Variants in EPHA6 observed in about 807,000 individuals in gnomAD.
The protein encoded by EPHA6 is EPH receptor A6.
A neutral mutation model predicts 112.0 loss-of-function variants in EPHA6; 50 were observed. The observed-to-expected ratio is 0.45, with a 90% confidence interval of 0.36 to 0.56. The LOEUF (loss-of-function observed/expected upper bound fraction) is 0.56, where lower values mean the gene tolerates loss of function less well. Ranked by LOEUF, EPHA6 falls within the 20% of genes least tolerant of loss-of-function variation. EPHA6 has a pLI of 0.00. For missense variants in EPHA6, 1,280 were observed against 1,417.4 expected (o/e 0.90, Z 1.56); for synonymous variants, 529 against 490.7 (o/e 1.08, Z -1.03).
intron 14 of EPHA6, among the ~76,000 whole-genome samples, chr3:97,662,562 A>G (rs301960): frequency 0.91 from 137,903 of 152,198 alleles, 62,524 homozygotes; most frequent in South Asian, 0.93. Flanking sequence ...TGACAATCCA[A>G]AATAAATATT....
At chr3:97,646,157 T>A in intron 14 of EPHA6, 1 of 1,535,400 alleles carries the variant, frequency 6.5e-7, no homozygotes, top group Middle Eastern at 1.7e-4. Flanking sequence ...CAGAACTGGT[T>A]AAAGAAGATG....
chr3:97,590,596 T>C (rs1243628328), intron 11 of EPHA6, among the ~76,000 whole-genome samples: 1 of 152,226 alleles, frequency 6.6e-6, no homozygotes, highest in Admixed American at 6.5e-5. Flanking sequence ...TTCATTTATA[T>C]CATTTTTTCT....
chr3:97,483,513 G>T (rs1292724474), intron 9 of EPHA6, among the ~76,000 whole-genome samples: 1 of 152,212 alleles, frequency 6.6e-6, no homozygotes, highest in South Asian at 2.1e-4. Flanking sequence ...ATGAGTTCAT[G>T]AAACCTAGTG....
At chr3:97,257,961 G>A (rs2079371815) in intron 5 of EPHA6, among the ~76,000 whole-genome samples, 1 of 152,068 alleles carries the variant, frequency 6.6e-6, no homozygotes, top group East Asian at 1.9e-4. Context: ...TTTATGAAAT[G>A]TTACCAATGT....
intron 1 of EPHA6, among the ~76,000 whole-genome samples, chr3:96,838,357 C>T (rs546591668): frequency 6.6e-5 from 10 of 152,210 alleles, no homozygotes; most frequent in South Asian, 4.1e-4. Context: ...CTTCAGTGAA[C>T]GTACACAGGC....
intron 2 of EPHA6, among the ~76,000 whole-genome samples, chr3:96,926,897 C>T (rs2040063610): frequency 6.6e-6 from 1 of 152,172 alleles, no homozygotes. Flanking sequence ...AACAGTGGCC[C>T]TATTGTCACA....
chr3:96,825,856 T>A (rs1379322064), intron 1 of EPHA6, among the ~76,000 whole-genome samples: 2 of 151,806 alleles, frequency 1.3e-5, no homozygotes, highest in Non-Finnish European at 2.9e-5. Flanking sequence ...CTTCTTCCCA[T>A]ATATGTGATA....
chr3:96,993,200 C>T (rs1431823482), intron 3 of EPHA6, among the ~76,000 whole-genome samples: 1 of 152,030 alleles, frequency 6.6e-6, no homozygotes, highest in African/African-American at 2.4e-5. Context: ...ATTTAATTTC[C>T]TGGGGCCACA....
intron 2 of EPHA6, among the ~76,000 whole-genome samples, chr3:96,904,907 C>T (rs1307071421): frequency 6.6e-6 from 1 of 152,064 alleles, no homozygotes; most frequent in African/African-American, 2.4e-5. Flanking sequence ...TGTAAACGGA[C>T]AACACTGGTA....
At chr3:97,526,064 C>A (rs977412246) in intron 10 of EPHA6, among the ~76,000 whole-genome samples, 1 of 152,078 alleles carries the variant, frequency 6.6e-6, no homozygotes, top group Non-Finnish European at 1.5e-5. Context: ...AGATCTTTAG[C>A]CCCCACGAAT....
At chr3:97,068,239 C>G (rs1194492864) in intron 3 of EPHA6, among the ~76,000 whole-genome samples, 1 of 148,938 alleles carries the variant, frequency 6.7e-6, no homozygotes, top group Admixed American at 6.7e-5. Context: ...AAAAATTTTA[C>G]TCAAGTATTT....
At chr3:97,452,937 T>A (rs1326283787) in intron 7 of EPHA6, among the ~76,000 whole-genome samples, 1 of 151,738 alleles carries the variant, frequency 6.6e-6, no homozygotes, top group African/African-American at 2.4e-5. Context: ...CCAGTAATAT[T>A]AGCCATAACT....
intron 3 of EPHA6, among the ~76,000 whole-genome samples, chr3:97,187,856 C>T (rs762259816): frequency 6.6e-6 from 1 of 151,970 alleles, no homozygotes; most frequent in Non-Finnish European, 1.5e-5. Flanking sequence ...AGGTGCAGTC[C>T]TCTTAGTTTG....
At chr3:97,737,214 A>G (rs2035299675) in intron 16 of EPHA6, among the ~76,000 whole-genome samples, 1 of 152,074 alleles carries the variant, frequency 6.6e-6, no homozygotes, top group Non-Finnish European at 1.5e-5. Flanking sequence ...CATGAAAACA[A>G]TGGACAGCCA....
At chr3:97,432,202 T>A (rs139794130) in intron 6 of EPHA6, among the ~76,000 whole-genome samples, 1 of 152,270 alleles carries the variant, frequency 6.6e-6, no homozygotes, top group East Asian at 1.9e-4. Flanking sequence ...GGTGGTGGTG[T>A]TCTGGGAGAT....
At chr3:96,998,603 CT>C (rs2043511142) in intron 3 of EPHA6, among the ~76,000 whole-genome samples, 1 of 151,834 alleles carries the variant, frequency 6.6e-6, no homozygotes, top group Non-Finnish European at 1.5e-5. Context: ...TCTATTATTG[CT>C]AATGATCTGC....
At chr3:97,024,082 C>T (rs886125356) in intron 3 of EPHA6, among the ~76,000 whole-genome samples, 1 of 152,186 alleles carries the variant, frequency 6.6e-6, no homozygotes, top group Non-Finnish European at 1.5e-5. Context: ...ATAATTTGCA[C>T]ATTAAAGTCC....
At chr3:96,881,740 A>G (rs960951363) in intron 2 of EPHA6, among the ~76,000 whole-genome samples, 8 of 152,244 alleles carry the variant, frequency 5.3e-5, no homozygotes, top group Non-Finnish European at 1.2e-4. Flanking sequence ...ATTTCTGCCT[A>G]TGTGCCTGTA....
chr3:97,424,753 C>T (rs1339632326), intron 6 of EPHA6, among the ~76,000 whole-genome samples: 5 of 150,316 alleles, frequency 3.3e-5, no homozygotes, highest in Non-Finnish European at 7.4e-5. Flanking sequence ...TTGCAGTGAG[C>T]CGAGACCACG....
Sources: allele counts gnomAD v4.1 joint callset (sites outside exome capture counted in the v4.1 genomes callset), GRCh38; gene constraint gnomAD v4.1.1; transcripts MANE v1.5; gene names NCBI Gene and HGNC (gene_info 2026-07-23, HGNC 2026-07-21).